USP4: variants seen among roughly 807,000 people sequenced by gnomAD.
The protein encoded by USP4 is ubiquitin carboxyl-terminal hydrolase 4.
A neutral mutation model predicts 118.2 loss-of-function variants in USP4; 72 were observed. The ratio of observed to expected loss-of-function variants is 0.61; its 90% CI spans 0.50 to 0.74. USP4 has a LOEUF of 0.74. Among genes scored for constraint, USP4 ranks in the 30% least tolerant of loss-of-function variants. The pLI is 0.00. For synonymous variants in USP4, 415 were observed against 440.4 expected (o/e 0.94, Z 0.72); for missense variants, 1,037 against 1,185.7 (o/e 0.87, Z 1.84).
At chr3:49,314,226 A>G (rs946856575) in intron 6 of USP4, among the ~76,000 whole-genome samples, 4 of 152,206 alleles carry the variant, frequency 2.6e-5, no homozygotes, top group Admixed American at 6.5e-5. Context: ...CAATGGGCAC[A>G]TCAAGAAATT....
rs565682306 is a variant in USP4 at position 49,317,609 on chromosome 3, T to C, written c.696-5955A>G. ...CAGCCTGGAGTGCAGTGGCGTGATA[T>C]CGGCTCACTGCATGCTCCGCCTCCT... is the stretch of plus-strand genomic sequence containing the variant. On this transcript the variant is annotated intron_variant, in intron 6 of 21. Coordinates refer to ENST00000265560, the MANE Select transcript of USP4 (RefSeq NM_003363.4). 5.1e-6 allele frequency: 3 copies of C among 587,620 alleles called. No homozygotes were observed. In the African/African-American group the frequency reaches 5.7e-5, roughly 11 times the overall value. 36.4% of individuals were successfully genotyped at this position (587,620 alleles called of 1,614,324 possible).
At chr3:49,283,519 G>A (rs2047062343) in intron 19 of USP4, among the ~76,000 whole-genome samples, 1 of 152,106 alleles carries the variant, frequency 6.6e-6, no homozygotes. Flanking sequence ...TGGGGCTTGA[G>A]AGGATATGAG....
At chr3:49,288,469 G>A (rs2047122518) in intron 15 of USP4, among the ~76,000 whole-genome samples, 1 of 152,174 alleles carries the variant, frequency 6.6e-6, no homozygotes, top group African/African-American at 2.4e-5. Context: ...GAGGTCAGGA[G>A]TTTAAGACCA....
intron 10 of USP4, 66 bp downstream of exon 10, chr3:49,302,318 C>T: frequency 6.4e-7 from 1 of 1,564,884 alleles, no homozygotes; most frequent in Non-Finnish European, 8.7e-7. Context: ...AGAAGAATAT[C>T]CCTGCACTCT....
intron 6 of USP4, chr3:49,312,305 A>T: frequency 2.9e-6 from 1 of 344,672 alleles, no homozygotes; most frequent in Non-Finnish European, 5.8e-6. Context: ...AGTTCAAGAC[A>T]CAGTGAAACC....
intron 2 of USP4, 90 bp from the exon 3 acceptor site, chr3:49,327,906 AAATT>A: frequency 5.4e-6 from 7 of 1,304,788 alleles, no homozygotes; most frequent in Non-Finnish European, 7.4e-6. Context: ...AGAAATAAGA[AAATT>A]ATTTACAGAA....
intron 2 of USP4, 145 bp from the exon 3 acceptor site, chr3:49,327,961 T>C: frequency 1.5e-6 from 1 of 678,294 alleles, no homozygotes; most frequent in Non-Finnish European, 2.4e-6. Flanking sequence ...CACTGGTCAT[T>C]ATACAGAGCA....
chr3:49,293,998 T>G (rs2047177708), intron 14 of USP4, among the ~76,000 whole-genome samples: 1 of 148,844 alleles, frequency 6.7e-6, no homozygotes, highest in African/African-American at 2.5e-5. Context: ...TTTTTTGAGA[T>G]GGAGTCTCAC....
rs753724738 is a variant in USP4, at chr3:49,339,988, C to T, written c.37G>A (p.Ala13Thr). Residue 13 changes from alanine (A) to threonine (T), a missense_variant, in exon 1 of 22, where the codon GCG becomes ACG. Transcript: ENST00000265560. ...CCAAGCTCGGACTTCTGAGTCTCCG[C>T]ATCCGGTCGCTCACGGCAGCCTCCA... ...EGGGCRERPD[A>T]ETQKSELGPL... The T allele has an allele frequency of 2.8e-5, 45 of 1,611,574 alleles. No homozygotes were observed. Among genetic ancestry groups the T allele is most frequent in the Non-Finnish European group, 3.1e-5 (37 of 1,179,888 alleles).
chr3:49,287,500 TCTCA>T (rs2047108900), intron 15 of USP4, among the ~76,000 whole-genome samples: 1 of 151,120 alleles, frequency 6.6e-6, no homozygotes, highest in Non-Finnish European at 1.5e-5. Context: ...TGAAGTGGAG[TCTCA>T]CTCTGTTGCC....
In USP4 at chr3:49,339,974, C is replaced by G. The variant is rs1340054274; in HGVS notation, c.51G>C (p.Lys17Asn). 1 of 1,612,712 alleles carries G rather than the reference C, an allele frequency of 6.2e-7. No homozygotes were observed. The highest frequency in any genetic ancestry group is 1.7e-5 in the Admixed American group (1 of 60,024). Residue 17 changes from lysine to asparagine, a missense_variant, in exon 1 of 22, where the codon AAG becomes AAC. By Grantham distance (94) the Lys-to-Asn change is moderately conservative. Coordinates refer to ENST00000265560, the MANE Select transcript of USP4 (RefSeq NM_003363.4). ...TCCTCATTAAGGGTCCAAGCTCGGA[C>G]TTCTGAGTCTCCGCATCCGGTCGCT... is the stretch of plus-strand genomic sequence containing the variant. ...CRERPDAETQ[K>N]SELGPLMRTT...
chr3:49,298,452 A>G, intron 12 of USP4, 100 bp downstream of exon 12: 2 of 1,126,726 alleles, frequency 1.8e-6, no homozygotes, highest in South Asian at 2.6e-5. Flanking sequence ...TGTGCTGGCA[A>G]TAACAACAAC....
chr3:49,300,812 G>C (rs1259336423), intron 10 of USP4, 121 bp from the exon 11 acceptor site: 1 of 856,344 alleles, frequency 1.2e-6, no homozygotes, highest in African/African-American at 1.7e-5. Context: ...CCAAGAGCTT[G>C]ATCCAGGACA....
chr3:49,324,317 G>A lies in USP4; in HGVS notation c.695+385C>T, dbSNP rs922315483. Among the ~76,000 whole-genome samples the A allele has an allele frequency of 5.3e-5, 8 of 152,074 alleles. No individual in the cohort carries two copies. The East Asian group carries it at 1.5e-3, about 29-fold the overall frequency. On this transcript the variant is annotated intron_variant, in intron 6 of 21. Transcript: ENST00000265560. ...CTCAGGCCTCAACTATCACTTTTAAGTCATATAAAACCCCATGCCTTAGCC... is the reference window on the plus strand; with the variant it reads ...CTCAGGCCTCAACTATCACTTTTAAATCATATAAAACCCCATGCCTTAGCC...
intron 11 of USP4, among the ~76,000 whole-genome samples, chr3:49,299,751 A>G (rs2047246315): frequency 6.6e-6 from 1 of 152,162 alleles, no homozygotes; most frequent in Non-Finnish European, 1.5e-5. Flanking sequence ...ACAATTACTC[A>G]GTGAGCCATC....
At position 49,280,973 on chromosome 3, in the gene USP4, A is replaced by C. The variant is rs2047017367; in HGVS notation, c.2541-126T>G. On this transcript the variant is annotated intron_variant, in intron 19 of 21. Coordinates refer to ENST00000265560, the MANE Select transcript of USP4 (RefSeq NM_003363.4). ...GGGAGGCACTCAAACTATTCGAGAG[A>C]GACCAAGATGGAAGGGACTCTAGGA... 8.9e-5 allele frequency: 60 copies of C among 674,388 alleles called. 1 individual carries two copies. The South Asian group carries it at 1.1e-3, about 12-fold the overall frequency. The allele number at this position is 674,388 out of a possible 1,614,324, so 41.8% of individuals were successfully genotyped here.
chr3:49,279,647 A>G (rs994510520), intron 20 of USP4, among the ~76,000 whole-genome samples: 2 of 152,080 alleles, frequency 1.3e-5, no homozygotes, highest in Admixed American at 6.6e-5. Context: ...ACAGAACCCA[A>G]TGGAGATCTG....
At chr3:49,295,056 A>C (rs569541175) in intron 13 of USP4, among the ~76,000 whole-genome samples, 1 of 152,186 alleles carries the variant, frequency 6.6e-6, no homozygotes, top group East Asian at 1.9e-4. Context: ...TTGGGAGGCC[A>C]AGGCGGGCGG....
chr3:49,317,463 C>A, intron 6 of USP4: 1 of 755,724 alleles, frequency 1.3e-6, no homozygotes, highest in Non-Finnish European at 2.3e-6. Flanking sequence ...GCTGGGTCAA[C>A]ATCTCCTGGG....
Sources: gnomAD v4.1 joint callset for allele counts (sites outside exome capture counted in the v4.1 genomes callset) on GRCh38, gnomAD v4.1.1 for gene constraint, MANE v1.5 for transcripts, NCBI Gene and HGNC (gene_info 2026-07-23, HGNC 2026-07-21) for gene names.